DYNC2LI1: variants seen among roughly 807,000 people sequenced by gnomAD.
DYNC2LI1 encodes the protein cytoplasmic dynein 2 light intermediate chain 1.
In DYNC2LI1, 45 loss-of-function variants were observed where a neutral mutation model predicts 51.9. The ratio of observed to expected loss-of-function variants is 0.87; its 90% confidence interval spans 0.68 to 1.11. The LOEUF is 1.11. Ranked by LOEUF, DYNC2LI1 falls within the 50% of genes most tolerant of loss-of-function variation. The probability of loss-of-function intolerance (pLI) is 0.00; values close to 1 mark genes in which losing one functional copy is unlikely to be tolerated. For synonymous variants in DYNC2LI1, 130 were observed against 137.8 expected (o/e 0.94, Z 0.40); for missense variants, 490 against 417.4 (o/e 1.17, Z -1.51).
At chr2:43,783,613 G>C in intron 3 of DYNC2LI1, 59 bp downstream of exon 3, 1 of 1,135,002 alleles carries the variant, frequency 8.8e-7, no homozygotes, top group Non-Finnish European at 1.2e-6. Context: ...TATAGGGCAA[G>C]TTAGCTCTAA....
intron 8 of DYNC2LI1, among the ~76,000 whole-genome samples, chr2:43,799,843 T>A (rs888983956): frequency 6.6e-6 from 1 of 152,226 alleles, no homozygotes; most frequent in Non-Finnish European, 1.5e-5. Flanking sequence ...TGTATGTATT[T>A]TAAAACATGG....
chr2:43,823,897 G>A, the DYNC2LI1 span: 1 of 1,612,806 alleles, frequency 6.2e-7, no homozygotes, highest in Non-Finnish European at 8.5e-7. Flanking sequence ...TGCACCTCCA[G>A]CACGTGGGCA....
chr2:43,820,183 C>A, the DYNC2LI1 span: 1 of 1,505,790 alleles, frequency 6.6e-7, no homozygotes, highest in Non-Finnish European at 9.0e-7. Flanking sequence ...TGAATAAATC[C>A]TTTGTGGTGA....
At chr2:43,792,929 T>G (rs1389895040) in intron 5 of DYNC2LI1, 1 of 939,824 alleles carries the variant, frequency 1.1e-6, no homozygotes, top group African/African-American at 1.7e-5. Flanking sequence ...TGTTTTCATC[T>G]TTTGACTATT....
intron 3 of DYNC2LI1, among the ~76,000 whole-genome samples, chr2:43,785,079 C>G (rs1489607258): frequency 1.3e-5 from 2 of 151,808 alleles, no homozygotes; most frequent in East Asian, 3.9e-4. Context: ...AGGCGGATCG[C>G]TTGAACTCAG....
the DYNC2LI1 span, among the ~76,000 whole-genome samples, chr2:43,817,911 A>G: frequency 6.6e-6 from 1 of 151,600 alleles, no homozygotes; most frequent in Admixed American, 6.6e-5. Context: ...TTCCCTCTCA[A>G]AACAAACAAA....
chr2:43,824,775 A>G, the DYNC2LI1 span: 1 of 1,528,760 alleles, frequency 6.5e-7, no homozygotes, highest in Non-Finnish European at 8.9e-7. Flanking sequence ...AGAGTATAAA[A>G]CACAAAAACA....
chr2:43,804,106 C>A (rs913825491), intron 10 of DYNC2LI1, among the ~76,000 whole-genome samples: 1 of 152,108 alleles, frequency 6.6e-6, no homozygotes, highest in Admixed American at 6.6e-5. Context: ...TTATTCAGTA[C>A]CTTTTAATTC....
chr2:43,812,978 G>T (rs1666560022), downstream of DYNC2LI1: 3 of 682,858 alleles, frequency 4.4e-6, no homozygotes. Flanking sequence ...GATCCAAGAG[G>T]CACAAATGGA....
At chr2:43,806,560 G>A (rs1666264263) in intron 12 of DYNC2LI1, among the ~76,000 whole-genome samples, 1 of 152,168 alleles carries the variant, frequency 6.6e-6, no homozygotes, top group African/African-American at 2.4e-5. Flanking sequence ...CCCTTATTAT[G>A]TTTGCAGCCT....
chr2:43,800,915 A>T lies in DYNC2LI1; in HGVS notation c.729A>T (p.Lys243Asn). Residue 243 changes from lysine (K) to asparagine (N), a missense_variant and splice_region_variant, in exon 9 of 13, where the codon AAA (lysine) becomes AAT (asparagine). By Grantham distance (94) the Lys-to-Asn change is moderately conservative (BLOSUM62 0). Transcript: ENST00000260605. ...ACCAGTTGGCATTTGGCATTGACAA[A>T]AGGTACTGCTAAGATATTTTTTATA... ...VINQLAFGID[K>N]SKSICVDQNK... The T allele has an allele frequency of 6.3e-7, 1 of 1,588,670 alleles. No individual in the cohort carries two copies. Among genetic ancestry groups the T allele is most frequent in the Non-Finnish European group, 8.6e-7 (1 of 1,161,154 alleles).
At chr2:43,775,692 C>CTTTTTTTTTTTTTTTTTTT in intron 1 of DYNC2LI1, 1 of 326,024 alleles carries the variant, frequency 3.1e-6, no homozygotes, top group Non-Finnish European at 5.8e-6. Flanking sequence ...TTTTTATTTT[C>CTTTTTTTTTTTTTTTTTTT]TTTTTTTTTT....
At chr2:43,816,081 C>A in the DYNC2LI1 span, among the ~76,000 whole-genome samples, 6 of 152,220 alleles carry the variant, frequency 3.9e-5, no homozygotes, top group African/African-American at 1.4e-4. Context: ...CAGAGTCAAA[C>A]ACAAAATGTT....
chr2:43,820,492 C>T, the DYNC2LI1 span, among the ~76,000 whole-genome samples: 8 of 152,238 alleles, frequency 5.3e-5, no homozygotes, highest in South Asian at 1.5e-3. Flanking sequence ...CTCACCCAAC[C>T]CGCTTCCCAG....
rs764164928 is a variant in DYNC2LI1 at position 43,787,211 on chromosome 2, G to A, written c.192G>A (p.Leu64=). The A allele has an allele frequency of 6.2e-7, 1 of 1,613,166 alleles. No homozygotes were observed. Among genetic ancestry groups the A allele is most frequent in the East Asian group, 2.2e-5 (1 of 44,822 alleles). ...AACCACCAAAACCAACCTTAGCTTT[G>A]GAATATACATATGGAAGAAGAGCAA... ...RDEPPKPTLA[L]EYTYGRRAKG... The change falls in exon 4 of 13, where the codon TTG becomes TTA. Residue 64 remains leucine (L), a synonymous_variant. Coordinates refer to ENST00000260605, the MANE Select transcript of DYNC2LI1 (RefSeq NM_016008.4).
chr2:43,774,621 T>C lies in DYNC2LI1; in HGVS notation c.8+475T>C, dbSNP rs1416598008. ...ATTCTAGCTGTTCAATTCTATGATA[T>C]TCATTTTAATTACCTGTTCACAAGA... On this transcript the variant is annotated intron_variant, in intron 1 of 12. Transcript: ENST00000260605. 2.6e-5 allele frequency among the ~76,000 whole-genome samples: 4 copies of C among 152,220 alleles called. No homozygotes were observed. The East Asian group carries it at 5.8e-4, about 22-fold the overall frequency.
the DYNC2LI1 span, among the ~76,000 whole-genome samples, chr2:43,821,377 C>G: frequency 3.9e-5 from 6 of 152,196 alleles, no homozygotes; most frequent in Non-Finnish European, 5.9e-5. Context: ...TAGCGAATCT[C>G]AATTCCAATG....
the DYNC2LI1 span, among the ~76,000 whole-genome samples, chr2:43,819,457 TG>T: frequency 7.9e-5 from 12 of 151,320 alleles, no homozygotes; most frequent in African/African-American, 2.9e-4. Flanking sequence ...TGATACTCTT[TG>T]GAGCAGTCTT....
downstream of DYNC2LI1, among the ~76,000 whole-genome samples, chr2:43,812,013 A>G (rs1004325746): frequency 2.0e-5 from 3 of 152,054 alleles, no homozygotes; most frequent in Non-Finnish European, 4.4e-5. Flanking sequence ...TCTAGTATGT[A>G]CCCTGTTCTT....
Sources: gnomAD v4.1 joint callset for allele counts (sites outside exome capture counted in the v4.1 genomes callset) on GRCh38, gnomAD v4.1.1 for gene constraint, MANE v1.5 for transcripts, NCBI Gene and HGNC (gene_info 2026-07-23, HGNC 2026-07-21) for gene names.